IFNA1: variants seen among roughly 807,000 people sequenced by gnomAD.
IFNA1 encodes interferon alpha 1, also known as interferon alpha-1.
For synonymous variants in IFNA1, 52 were observed against 86.8 expected, an observed-to-expected ratio of 0.60 and a Z score of 2.23; for missense variants, 130 against 219.8, an observed-to-expected ratio of 0.59 and a Z score of 2.58.
rs1331220836 is a variant in IFNA1 at position 21,441,082 on chromosome 9, T to C, written c.*5T>C. The C allele has an allele frequency of 6.2e-7, 1 of 1,611,412 alleles. No homozygotes were observed. Among genetic ancestry groups the C allele is most frequent in the Non-Finnish European group, 8.5e-7 (1 of 1,179,886 alleles). ...AGATTAAGGAGGAAGGAATAACATC[T>C]GGTCCAACATGAAAACAATTCTTAT... On this transcript the variant is annotated 3_prime_UTR_variant, in exon 1 of 1. Transcript: ENST00000276927.
Position 21,440,569 on chromosome 9 carries a change from C to T in IFNA1, c.62C>T (p.Ser21Phe). 6.2e-7 allele frequency: 1 copy of T among 1,613,790 alleles called. No homozygotes were observed. The highest frequency in any genetic ancestry group is 8.5e-7 in the Non-Finnish European group (1 of 1,179,912). The change falls in exon 1 of 1, where the codon TCT (serine) becomes TTT (phenylalanine). Residue 21 changes from serine to phenylalanine, a missense_variant. Ser to Phe is a radical substitution (Grantham distance 155). Transcript: ENST00000276927. ...GTGCTCAGCTGCAAGTCAAGCTGCTCTCTGGGCTGTGATCTCCCTGAGACC... is the reference window on the plus strand; with the variant it reads ...GTGCTCAGCTGCAAGTCAAGCTGCTTTCTGGGCTGTGATCTCCCTGAGACC... ...LVVLSCKSSC[S>F]LGCDLPETHS...
In IFNA1 at chr9:21,440,463, G is replaced by A. The variant is rs1372653662; in HGVS notation, c.-45G>A. 6.2e-7 allele frequency: 1 copy of A among 1,610,432 alleles called. No individual in the cohort carries two copies. Among genetic ancestry groups the A allele is most frequent in the South Asian group, 1.1e-5 (1 of 90,570 alleles). ...CAGAGAACCTAGAGCCCAAGGTTCA[G>A]AGTCACCCATCTCAGCAAGCCCAGA... On this transcript the variant is annotated 5_prime_UTR_variant, in exon 1 of 1. Transcript: ENST00000276927.
chr9:21,440,578 G>C lies in IFNA1; in HGVS notation c.71G>C (p.Cys24Ser). 6.2e-7 allele frequency: 1 copy of C among 1,613,694 alleles called. No individual in the cohort carries two copies. Among genetic ancestry groups the C allele is most frequent in the Non-Finnish European group, 8.5e-7 (1 of 1,179,910 alleles). ...TGCAAGTCAAGCTGCTCTCTGGGCT[G>C]TGATCTCCCTGAGACCCACAGCCTG... ...LSCKSSCSLG[C>S]DLPETHSLDN... is the part of the protein sequence containing the mutation. The change falls in exon 1 of 1, where the codon TGT becomes TCT. Residue 24 changes from cysteine (C) to serine (S), a missense_variant. By Grantham distance (112) the Cys-to-Ser change is moderately radical. Coordinates refer to ENST00000276927, the MANE Select transcript of IFNA1 (RefSeq NM_024013.3).
In IFNA1 at chr9:21,440,995, C is replaced by G. The variant is rs28383794; in HGVS notation, c.488C>G (p.Ala163Gly). Residue 163 changes from alanine to glycine, a missense_variant, in exon 1 of 1, where the codon GCC becomes GGC. Physicochemically the swap from Ala to Gly is moderately conservative, Grantham distance 60. Transcript: ENST00000276927. The stretch of plus-strand genomic sequence containing the variant: ...ACAGAGAAGAAATACAGCCCTTGTG[C>G]CTGGGAGGTTGTCAGAGCAGAAATC... ...YLTEKKYSPC[A>G]WEVVRAEIMR... 148,081 of 1,590,596 alleles carry G rather than the reference C, an allele frequency of 0.093. 7,430 individuals carry two copies. The highest frequency in any genetic ancestry group is 0.19 in the African/African-American group (13,398 of 71,468).
In IFNA1 at chr9:21,441,182, A is replaced by G. The variant is rs1586976258; in HGVS notation, c.*105A>G. ...TCTCACCCCTGCTATAACTATGACC[A>G]TGCTGATAAACTGATTTATCTATTT... On this transcript the variant is annotated 3_prime_UTR_variant, in exon 1 of 1. Transcript: ENST00000276927. 3.4e-6 allele frequency: 5 copies of G among 1,486,568 alleles called. No individual in the cohort carries two copies. In the African/African-American group the frequency reaches 5.7e-5, roughly 17 times the overall value. The allele number at this position is 1,486,568 out of a possible 1,614,324, so 92.1% of individuals were successfully genotyped here.
chr9:21,441,300 G>C lies in IFNA1; in HGVS notation c.*223G>C. ...CACTGTGGTTAGTGTAATAAAACAT[G>C]TTCCTTATATTTACTCAATCCATTA... On this transcript the variant is annotated 3_prime_UTR_variant, in exon 1 of 1. Coordinates refer to ENST00000276927, the MANE Select transcript of IFNA1 (RefSeq NM_024013.3). 1 of 644,776 alleles carries C rather than the reference G, an allele frequency of 1.6e-6. No individual in the cohort carries two copies. Among genetic ancestry groups the C allele is most frequent in the Non-Finnish European group, 2.4e-6 (1 of 414,386 alleles). 39.9% of individuals were successfully genotyped at this position (644,776 alleles called of 1,614,324 possible).
At position 21,440,794 on chromosome 9, in the gene IFNA1, C is replaced by T. The variant is rs1818362778; in HGVS notation, c.287C>T (p.Ser96Leu). 7.1e-7 allele frequency: 1 copy of T among 1,413,856 alleles called. No individual in the cohort carries two copies. Among genetic ancestry groups the T allele is most frequent in the Non-Finnish European group, 9.6e-7 (1 of 1,041,364 alleles). The allele number at this position is 1,413,856 out of a possible 1,614,324, so 87.6% of individuals were successfully genotyped here. A position where few individuals can be genotyped will look rare whatever the true frequency, so the allele number is the denominator to read the frequency against. Residue 96 changes from serine (S) to leucine (L), a missense_variant, in exon 1 of 1, where the codon TCA becomes TTA. Physicochemically the swap from Ser to Leu is moderately radical, Grantham distance 145 (BLOSUM62 -2). Transcript: ENST00000276927. ...TTCAACCTCTTTACCACAAAAGATTCATCTGCTGCTTGGGATGAGGACCTC... is the reference window on the plus strand; with the variant it reads ...TTCAACCTCTTTACCACAAAAGATTTATCTGCTGCTTGGGATGAGGACCTC... Reference protein sequence around the residue: ...QIFNLFTTKDSSAAWDEDLLD... With the variant: ...QIFNLFTTKDLSAAWDEDLLD...
rs1294715953 is a variant in IFNA1, at chr9:21,441,279, G to C, written c.*202G>C. On this transcript the variant is annotated 3_prime_UTR_variant, in exon 1 of 1. Coordinates refer to ENST00000276927, the MANE Select transcript of IFNA1 (RefSeq NM_024013.3). ...ATAACGTCATGTGCACCTTTACACT[G>C]TGGTTAGTGTAATAAAACATGTTCC... The C allele has an allele frequency of 5.0e-5, 38 of 757,030 alleles. No individual in the cohort carries two copies. 46.9% of individuals were successfully genotyped at this position (757,030 alleles called of 1,614,324 possible).
In IFNA1 at chr9:21,441,138, A is replaced by T. The variant is rs1437955388; in HGVS notation, c.*61A>T. 1 of 1,600,072 alleles carries T rather than the reference A, an allele frequency of 6.2e-7. No individual in the cohort carries two copies. Among genetic ancestry groups the T allele is most frequent in the Non-Finnish European group, 8.5e-7 (1 of 1,174,370 alleles). On this transcript the variant is annotated 3_prime_UTR_variant, in exon 1 of 1. Transcript: ENST00000276927. The stretch of plus-strand genomic sequence containing the variant: ...CATACACCAGGTCACGCTTTCATGA[A>T]TTCTGTCATTTCAAAGACTCTCACC...
rs1438589762 is a variant in IFNA1, at chr9:21,440,473, T to A, written c.-35T>A. Reference sequence around the variant, plus strand: ...AGAGCCCAAGGTTCAGAGTCACCCATCTCAGCAAGCCCAGAAGTATCTGCA... The same window carrying A: ...AGAGCCCAAGGTTCAGAGTCACCCAACTCAGCAAGCCCAGAAGTATCTGCA... On this transcript the variant is annotated 5_prime_UTR_variant, in exon 1 of 1. Coordinates refer to ENST00000276927, the MANE Select transcript of IFNA1 (RefSeq NM_024013.3). The A allele has an allele frequency of 6.2e-7, 1 of 1,612,240 alleles. No homozygotes were observed. Among genetic ancestry groups the A allele is most frequent in the African/African-American group, 1.3e-5 (1 of 74,766 alleles).
chr9:21,441,071 G>A lies in IFNA1; in HGVS notation c.564G>A (p.Lys188=). 1 of 1,612,750 alleles carries A rather than the reference G, an allele frequency of 6.2e-7. No homozygotes were observed. The highest frequency in any genetic ancestry group is 8.5e-7 in the Non-Finnish European group (1 of 1,179,948). The change falls in exon 1 of 1, where the codon AAG becomes AAA. Residue 188 remains lysine, a synonymous_variant. Coordinates refer to ENST00000276927, the MANE Select transcript of IFNA1 (RefSeq NM_024013.3). ...ACTTGCAAGAAAGATTAAGGAGGAA[G>A]GAATAACATCTGGTCCAACATGAAA... ...STNLQERLRR[K]E
Position 21,440,541 on chromosome 9 carries a change from G to C in IFNA1, c.34G>C (p.Val12Leu), listed in dbSNP as rs1818359277. ...ASPFALLMVL[V>L]VLSCKSSCSL... is the part of the protein sequence containing the mutation. The stretch of plus-strand genomic sequence containing the variant: ...GCCCTTTGCTTTACTGATGGTCCTG[G>C]TGGTGCTCAGCTGCAAGTCAAGCTG... The change falls in exon 1 of 1, where the codon GTG (valine) becomes CTG (leucine). Residue 12 changes from valine (V) to leucine (L), a missense_variant. Val to Leu is a conservative substitution (Grantham distance 32, BLOSUM62 1). Transcript: ENST00000276927. 1.2e-6 allele frequency: 2 copies of C among 1,613,928 alleles called. No homozygotes were observed. Among genetic ancestry groups the C allele is most frequent in the African/African-American group, 2.7e-5 (2 of 74,878 alleles).
rs1428946003 is a variant in IFNA1 at position 21,441,065 on chromosome 9, G to A, written c.558G>A (p.Arg186=). Residue 186 remains arginine, a synonymous_variant, in exon 1 of 1, where the codon AGG becomes AGA. Coordinates refer to ENST00000276927, the MANE Select transcript of IFNA1 (RefSeq NM_024013.3). ...CAACAAACTTGCAAGAAAGATTAAG[G>A]AGGAAGGAATAACATCTGGTCCAAC... ...SLSTNLQERL[R]RKE is the part of the protein sequence containing the mutation. 3 of 1,612,952 alleles carry A rather than the reference G, an allele frequency of 1.9e-6. No homozygotes were observed. Among genetic ancestry groups the A allele is most frequent in the Admixed American group, 3.3e-5 (2 of 59,866 alleles).
chr9:21,440,969 G>A lies in IFNA1; in HGVS notation c.462G>A (p.Leu154=). The A allele has an allele frequency of 6.2e-7, 1 of 1,608,816 alleles. No homozygotes were observed. The highest frequency in any genetic ancestry group is 8.5e-7 in the Non-Finnish European group (1 of 1,178,842). Reference sequence around the variant, plus strand: ...ACTTCCGAAGAATCACTCTCTATCTGACAGAGAAGAAATACAGCCCTTGTG... The same window carrying A: ...ACTTCCGAAGAATCACTCTCTATCTAACAGAGAAGAAATACAGCCCTTGTG... ...KKYFRRITLY[L]TEKKYSPCAW... is the part of the protein sequence containing the mutation. Residue 154 remains leucine (L), a synonymous_variant, in exon 1 of 1, where the codon CTG becomes CTA. Transcript: ENST00000276927.
In IFNA1 at chr9:21,440,799, G is replaced by C. The variant is rs1296019231; in HGVS notation, c.292G>C (p.Ala98Pro). Reference sequence around the variant, plus strand: ...CCTCTTTACCACAAAAGATTCATCTGCTGCTTGGGATGAGGACCTCCTAGA... The same window carrying C: ...CCTCTTTACCACAAAAGATTCATCTCCTGCTTGGGATGAGGACCTCCTAGA... ...FNLFTTKDSS[A>P]AWDEDLLDKF... is the part of the protein sequence containing the mutation. The change falls in exon 1 of 1, where the codon GCT (alanine) becomes CCT (proline). Residue 98 changes from alanine to proline, a missense_variant. Physicochemically the swap from Ala to Pro is conservative, Grantham distance 27 (BLOSUM62 -1). Transcript: ENST00000276927. The C allele has an allele frequency of 1.4e-6, 2 of 1,415,740 alleles. No individual in the cohort carries two copies. Among genetic ancestry groups the C allele is most frequent in the Non-Finnish European group, 1.9e-6 (2 of 1,043,918 alleles). 87.7% of individuals were successfully genotyped at this position (1,415,740 alleles called of 1,614,324 possible).
rs1232093536 is a variant in IFNA1, at chr9:21,441,145, C to A, written c.*68C>A. On this transcript the variant is annotated 3_prime_UTR_variant, in exon 1 of 1. Transcript: ENST00000276927. The stretch of plus-strand genomic sequence containing the variant: ...CAGGTCACGCTTTCATGAATTCTGT[C>A]ATTTCAAAGACTCTCACCCCTGCTA... 1 of 1,596,962 alleles carries A rather than the reference C, an allele frequency of 6.3e-7. No homozygotes were observed. Among genetic ancestry groups the A allele is most frequent in the Non-Finnish European group, 8.5e-7 (1 of 1,172,534 alleles).
rs1192106363 is a variant in IFNA1, at chr9:21,440,563, G to T, written c.56G>T (p.Ser19Ile). ...CTGGTGGTGCTCAGCTGCAAGTCAA[G>T]CTGCTCTCTGGGCTGTGATCTCCCT... ...MVLVVLSCKS[S>I]CSLGCDLPET... The change falls in exon 1 of 1, where the codon AGC becomes ATC. Residue 19 changes from serine to isoleucine, a missense_variant. Physicochemically the swap from Ser to Ile is moderately radical, Grantham distance 142 (BLOSUM62 -2). Coordinates refer to ENST00000276927, the MANE Select transcript of IFNA1 (RefSeq NM_024013.3). 1 of 1,613,820 alleles carries T rather than the reference G, an allele frequency of 6.2e-7. No homozygotes were observed. The highest frequency in any genetic ancestry group is 1.1e-5 in the South Asian group (1 of 91,056).
Position 21,440,918 on chromosome 9 carries a change from G to A in IFNA1, c.411G>A (p.Ala137=), listed in dbSNP as rs563926976. Residue 137 remains alanine, a synonymous_variant, in exon 1 of 1, where the codon GCG becomes GCA. Coordinates refer to ENST00000276927, the MANE Select transcript of IFNA1 (RefSeq NM_024013.3). ...ERVGETPLMN[A]DSILAVKKYF... ...TGGGAGAAACTCCCCTGATGAATGC[G>A]GACTCCATCTTGGCTGTGAAGAAAT... 161 of 1,597,330 alleles carry A rather than the reference G, an allele frequency of 1.0e-4. No individual in the cohort carries two copies. The South Asian group carries it at 1.6e-3, about 16-fold the overall frequency.
At position 21,440,915 on chromosome 9, in the gene IFNA1, T is replaced by C; in HGVS notation, c.408T>C (p.Asn136=). The C allele has an allele frequency of 6.3e-7, 1 of 1,596,320 alleles. No individual in the cohort carries two copies. Among genetic ancestry groups the C allele is most frequent in the Non-Finnish European group, 8.5e-7 (1 of 1,172,322 alleles). ...GGGTGGGAGAAACTCCCCTGATGAA[T>C]GCGGACTCCATCTTGGCTGTGAAGA... is the stretch of plus-strand genomic sequence containing the variant. ...EERVGETPLM[N]ADSILAVKKY... The change falls in exon 1 of 1, where the codon AAT becomes AAC. Residue 136 remains asparagine (N), a synonymous_variant. Transcript: ENST00000276927.
Sources: gnomAD v4.1 joint callset for allele counts on GRCh38, gnomAD v4.1.1 for gene constraint, MANE v1.5 for transcripts, NCBI Gene and HGNC (gene_info 2026-07-23, HGNC 2026-07-21) for gene names.